CDH23: variants seen among roughly 807,000 people sequenced by gnomAD.
CDH23 encodes cadherin related 23.
CDH23 carries 189 observed loss-of-function variants against 317.1 expected under a neutral mutation model. The observed-to-expected ratio is 0.60, with a 90% CI of 0.53 to 0.67. CDH23 has a LOEUF of 0.67. Among genes scored for constraint, CDH23 ranks in the 30% least tolerant of loss-of-function variants. CDH23 has a pLI of 0.00. For synonymous variants in CDH23, 1,839 were observed against 1,876.8 expected, an observed-to-expected ratio of 0.98 and a Z score of 0.52; for missense variants, 4,401 against 4,592.4, an observed-to-expected ratio of 0.96 and a Z score of 1.20.
At chr10:71,755,091 T>G (rs757239685) in intron 38 of CDH23, 13 of 611,722 alleles carry the variant, frequency 2.1e-5, no homozygotes, top group South Asian at 2.0e-4. Flanking sequence ...CTGCATATGA[T>G]CATTCATTCA....
At chr10:71,653,250 C>T (rs771216320) in intron 14 of CDH23, among the ~76,000 whole-genome samples, 1 of 152,210 alleles carries the variant, frequency 6.6e-6, no homozygotes, top group African/African-American at 2.4e-5. Context: ...AGCATTGACC[C>T]CACAAGGAAA....
At chr10:71,543,687 A>T (rs1215949574) in intron 6 of CDH23, among the ~76,000 whole-genome samples, 6 of 152,234 alleles carry the variant, frequency 3.9e-5, no homozygotes, top group African/African-American at 1.4e-4. Flanking sequence ...TGGGAAACTG[A>T]GGCCCAGATG....
Position 71,611,556 on chromosome 10 carries a change from C to A in CDH23, c.833-3948C>A, listed in dbSNP as rs1188205590. ...TCCTGTGTCCCCAGCACTATATTAA[C>A]TTATTTAATCCTTAAAGTGACAGCC... On this transcript the variant is annotated intron_variant, in intron 9 of 69. Coordinates refer to ENST00000224721, the MANE Select transcript of CDH23 (RefSeq NM_022124.6). Among the ~76,000 whole-genome samples, 3 of 152,282 alleles carry A rather than the reference C, an allele frequency of 2.0e-5. No individual in the cohort carries two copies. In the East Asian group the frequency reaches 5.8e-4, roughly 29 times the overall value.
chr10:71,527,487 A>G (rs1308457243), intron 6 of CDH23, among the ~76,000 whole-genome samples: 1 of 152,190 alleles, frequency 6.6e-6, no homozygotes, highest in African/African-American at 2.4e-5. Context: ...TCAAGGTGTG[A>G]CGTGGGACGG....
At chr10:71,705,923 C>T (rs1865771902) in intron 25 of CDH23, among the ~76,000 whole-genome samples, 1 of 152,182 alleles carries the variant, frequency 6.6e-6, no homozygotes, top group Non-Finnish European at 1.5e-5. Flanking sequence ...GACACTGACC[C>T]TCTTCAGTTG....
intron 26 of CDH23, among the ~76,000 whole-genome samples, chr10:71,708,676 A>C (rs1255529961): frequency 6.6e-6 from 1 of 152,248 alleles, no homozygotes; most frequent in Admixed American, 6.5e-5. Context: ...AGTTCTCAGC[A>C]ACATATACAA....
chr10:71,506,367 G>A (rs561969746), intron 3 of CDH23, among the ~76,000 whole-genome samples: 1 of 152,198 alleles, frequency 6.6e-6, no homozygotes, highest in Admixed American at 6.5e-5. Context: ...ACTTTAAATG[G>A]TTGAAGAGGT....
chr10:71,734,594 G>A lies in CDH23; in HGVS notation c.4207-62G>A, dbSNP rs1839503111. The stretch of plus-strand genomic sequence containing the variant: ...GTGGGGTCTGGAAGAGCCACAGACG[G>A]CTAACCATTTGCATCTTTGCCTTTT... On this transcript the variant is annotated intron_variant, in intron 33 of 69. Coordinates refer to ENST00000224721, the MANE Select transcript of CDH23 (RefSeq NM_022124.6). 60 of 1,593,078 alleles carry A rather than the reference G, an allele frequency of 3.8e-5. 3 individuals carry two copies. The South Asian group carries it at 6.3e-4, about 17-fold the overall frequency.
chr10:71,497,420 G>A (rs936691145), intron 3 of CDH23, among the ~76,000 whole-genome samples: 10 of 152,078 alleles, frequency 6.6e-5, no homozygotes, highest in Non-Finnish European at 1.3e-4. Context: ...GGGAGCTGCC[G>A]CAAGGATTCA....
intron 14 of CDH23, among the ~76,000 whole-genome samples, chr10:71,661,341 C>T (rs1377368757): frequency 1.3e-5 from 2 of 152,136 alleles, no homozygotes; most frequent in Admixed American, 1.3e-4. Context: ...ACAAAAGAGC[C>T]CTTTAGGCTT....
chr10:71,539,011 A>C (rs1361089043), intron 6 of CDH23, among the ~76,000 whole-genome samples: 1 of 152,258 alleles, frequency 6.6e-6, no homozygotes, highest in African/African-American at 2.4e-5. Flanking sequence ...AACATGGCTC[A>C]GCCTGTATCC....
chr10:71,706,876 G>T lies in CDH23; in HGVS notation c.2954-21G>T, dbSNP rs369995860. On this transcript the variant is annotated intron_variant, in intron 25 of 69. Coordinates refer to ENST00000224721, the MANE Select transcript of CDH23 (RefSeq NM_022124.6). The stretch of plus-strand genomic sequence containing the variant: ...TGCGGCAGAAGCCAGGCCTAGCCCC[G>T]GCGCCCGTTCTGCCCCGCAGTGCTG... 8 of 1,577,038 alleles carry T rather than the reference G, an allele frequency of 5.1e-6. No homozygotes were observed. In the African/African-American group the frequency reaches 5.4e-5, roughly 11 times the overall value.
chr10:71,586,384 C>T (rs1337503677), intron 9 of CDH23, among the ~76,000 whole-genome samples: 8 of 152,142 alleles, frequency 5.3e-5, no homozygotes, highest in Admixed American at 5.2e-4. Context: ...ATTCAGTTTG[C>T]ATTCTCTTTC....
rs763117232 is a variant in CDH23, at chr10:71,751,695, G to A, written c.4845+9774G>A. ...AGGGATGGGAAGAAGACGTCTCCGG[G>A]GCCTGGAGGAGACAGGGGGGTGCTG... On this transcript the variant is annotated intron_variant, in intron 38 of 69. Transcript: ENST00000224721. This position sits in a 1 kb window ranked among gnomAD's most constrained non-coding sequence, Gnocchi z 4.9. 6.5e-7 allele frequency: 1 copy of A among 1,548,270 alleles called. No individual in the cohort carries two copies. Among genetic ancestry groups the A allele is most frequent in the African/African-American group, 1.4e-5 (1 of 72,526 alleles).
intron 3 of CDH23, among the ~76,000 whole-genome samples, chr10:71,506,029 C>CA (rs1253967555): frequency 8.5e-5 from 13 of 152,196 alleles, no homozygotes. Flanking sequence ...GTTACATTCA[C>CA]ACAAGGGAAT....
At chr10:71,478,579 A>C (rs966124557) in intron 3 of CDH23, among the ~76,000 whole-genome samples, 1 of 152,124 alleles carries the variant, frequency 6.6e-6, no homozygotes, top group Non-Finnish European at 1.5e-5. Flanking sequence ...CATCTGGTTC[A>C]TTTTACATCT....
At chr10:71,410,423 C>T (rs1848297355) in intron 1 of CDH23, among the ~76,000 whole-genome samples, 1 of 152,184 alleles carries the variant, frequency 6.6e-6, no homozygotes, top group Non-Finnish European at 1.5e-5. Context: ...GCTCTATGCC[C>T]ACCAGCACTG....
rs1337538689 is a variant in CDH23 at position 71,815,486 on chromosome 10, T to C, written c.*208T>C. On this transcript the variant is annotated 3_prime_UTR_variant, in exon 70 of 70. Transcript: ENST00000224721. ...GCATCTGACCTCTACCTTCATAAGA[T>C]CTGTTATTTTTATAAGAAAACCAAA... 2 of 465,526 alleles carry C rather than the reference T, an allele frequency of 4.3e-6. No individual in the cohort carries two copies. The highest frequency in any genetic ancestry group is 3.9e-5 in the African/African-American group (2 of 50,958). The allele number at this position is 465,526 out of a possible 1,614,324, so 28.8% of individuals were successfully genotyped here.
chr10:71,759,725 T>C (rs551512260), intron 38 of CDH23, among the ~76,000 whole-genome samples: 62 of 151,388 alleles, frequency 4.1e-4, no homozygotes, highest in Non-Finnish European at 7.7e-4. Context: ...GGCAGAAGAA[T>C]CGCTTGAATC....
Sources: allele counts gnomAD v4.1 joint callset (sites outside exome capture counted in the v4.1 genomes callset), GRCh38; gene constraint gnomAD v4.1.1; non-coding constraint Gnocchi (gnomAD v3.1); transcripts MANE v1.5; gene names NCBI Gene and HGNC (gene_info 2026-07-23, HGNC 2026-07-21).